The following XPO4 variants were observed in gnomAD, a reference collection of about 807,000 sequenced individuals.
XPO4 encodes the protein exportin 4, also known as exportin-4.
A neutral mutation model predicts 143.0 loss-of-function variants in XPO4; 39 were observed. The ratio of observed to expected loss-of-function variants is 0.27; its 90% CI spans 0.21 to 0.36. The LOEUF is 0.36. Ranked by LOEUF, XPO4 falls within the 10% of genes least tolerant of loss-of-function variation. XPO4 has a pLI of 1.00. For synonymous variants in XPO4, 439 were observed against 474.0 expected (o/e 0.93, Z 0.96); for missense variants, 907 against 1,348.0 (o/e 0.67, Z 5.12).
In XPO4 at chr13:20,834,402, G is replaced by A. The variant is rs142439215; in HGVS notation, c.728-7223C>T. On this transcript the variant is annotated intron_variant, in intron 6 of 22. Transcript: ENST00000255305. The stretch of plus-strand genomic sequence containing the variant: ...TACTCACAAGCCTGGACAACACAGC[G>A]AAACTCAACCCCTACAAAAATCAGC... 8.1e-4 allele frequency among the ~76,000 whole-genome samples: 123 copies of A among 151,906 alleles called. 1 individual carries two copies. Among genetic ancestry groups the A allele is most frequent in the African/African-American group, 2.9e-3 (120 of 41,418 alleles).
At chr13:20,824,368 T>A (rs1357162640) in intron 7 of XPO4, among the ~76,000 whole-genome samples, 21 of 152,222 alleles carry the variant, frequency 1.4e-4, no homozygotes, top group Admixed American at 1.4e-3. Flanking sequence ...ACAGATAGAA[T>A]GTAATCTGGG....
chr13:20,848,762 T>C (rs1595127732), intron 4 of XPO4: 1 of 985,236 alleles, frequency 1.0e-6, no homozygotes, highest in Admixed American at 6.2e-5. Context: ...ATAACAGAAG[T>C]TGGAAAATAA....
At chr13:20,818,156 T>C (rs1001651285) in intron 9 of XPO4, among the ~76,000 whole-genome samples, 1 of 152,206 alleles carries the variant, frequency 6.6e-6, no homozygotes, top group Non-Finnish European at 1.5e-5. Context: ...CAGCAATAGA[T>C]AATAATTTGA....
intron 1 of XPO4, among the ~76,000 whole-genome samples, chr13:20,900,695 C>G (rs1184855021): frequency 2.6e-5 from 4 of 151,726 alleles, no homozygotes; most frequent in African/African-American, 9.7e-5. Flanking sequence ...TCACTCCAAC[C>G]TCTGCCTCCT....
Position 20,783,761 on chromosome 13 carries a change from T to G in XPO4, c.3417A>C (p.Glu1139Asp), listed in dbSNP as rs1302471853. The G allele has an allele frequency of 1.9e-6, 3 of 1,614,114 alleles. No homozygotes were observed. Reference protein sequence around the residue: ...QKMAFLKSLEEFMANVGGLLC... With the variant: ...QKMAFLKSLEDFMANVGGLLC... ...GGAGACCACCAACATTTGCCATAAA[T>G]TCTTCTAAACTCTTTAAGAAGGCCA... Residue 1139 changes from glutamate to aspartate, a missense_variant, in exon 23 of 23, where the codon GAA becomes GAC. Glu to Asp is a conservative substitution (Grantham distance 45). Transcript: ENST00000255305.
Position 20,800,972 on chromosome 13 carries a change from G to A in XPO4, c.1836C>T (p.Leu612=), listed in dbSNP as rs572032502. ...DSVIRLLSAI[L]RVSEVESRAI... ...CTCGAGATTCAACTTCTGAAACTCT[G>A]AGAATGGCAGACAACAGCCTGTAGG... Residue 612 remains leucine (L), a synonymous_variant, in exon 14 of 23, where the codon CTC becomes CTT. Transcript: ENST00000255305. The A allele has an allele frequency of 6.2e-7, 1 of 1,613,800 alleles. No individual in the cohort carries two copies. The highest frequency in any genetic ancestry group is 1.3e-5 in the African/African-American group (1 of 75,040).
chr13:20,882,109 C>CAAAAAAAAAAAAAAAAAAAAAAA (rs35404161), intron 1 of XPO4, among the ~76,000 whole-genome samples: 14 of 93,344 alleles, frequency 1.5e-4, no homozygotes, highest in African/African-American at 5.2e-4. Context: ...GACTCGGTCT[C>CAAAAAAAAAAAAAAAAAAAAAAA]AAAAAAAAAA....
Position 20,803,539 on chromosome 13 carries a change from T to C in XPO4, c.1818-2549A>G, listed in dbSNP as rs1452172781. On this transcript the variant is annotated intron_variant, in intron 13 of 22. Coordinates refer to ENST00000255305, the MANE Select transcript of XPO4 (RefSeq NM_022459.5). This position sits in a 1 kb window ranked among gnomAD's most constrained non-coding sequence, Gnocchi z 4.1. ...CTCCATCTTCACTCCCAAGACTACGTAGGAAAATGCTTCCTAACTTGCCTT... is the reference window on the plus strand; with the variant it reads ...CTCCATCTTCACTCCCAAGACTACGCAGGAAAATGCTTCCTAACTTGCCTT... Among the ~76,000 whole-genome samples the C allele has an allele frequency of 6.6e-6, 1 of 152,198 alleles. No homozygotes were observed. Among genetic ancestry groups the C allele is most frequent in the African/African-American group, 2.4e-5 (1 of 41,450 alleles).
At chr13:20,814,262 C>T (rs893401540) in intron 9 of XPO4, among the ~76,000 whole-genome samples, 5 of 149,584 alleles carry the variant, frequency 3.3e-5, no homozygotes, top group Admixed American at 2.7e-4. Flanking sequence ...ACATATCTAA[C>T]ACATGTTATC....
intron 3 of XPO4, among the ~76,000 whole-genome samples, chr13:20,862,222 T>C (rs942718689): frequency 1.3e-5 from 2 of 152,156 alleles, no homozygotes; most frequent in Non-Finnish European, 2.9e-5. Context: ...CTACTAAGCA[T>C]CAAAAGAACA....
chr13:20,786,607 T>C (rs2059209833), intron 22 of XPO4, among the ~76,000 whole-genome samples: 1 of 152,180 alleles, frequency 6.6e-6, no homozygotes, highest in South Asian at 2.1e-4. Context: ...CTCTTCCTTG[T>C]CTGCCATCCT....
intron 13 of XPO4, among the ~76,000 whole-genome samples, chr13:20,804,833 C>T (rs573273126): frequency 2.6e-5 from 4 of 152,184 alleles, no homozygotes; most frequent in African/African-American, 9.7e-5. Flanking sequence ...GAGCTTTAAC[C>T]TCTCACAACC....
chr13:20,893,129 G>A (rs955082235), intron 1 of XPO4, among the ~76,000 whole-genome samples: 3 of 152,150 alleles, frequency 2.0e-5, no homozygotes, highest in South Asian at 4.1e-4. Flanking sequence ...GAGAAAAAGC[G>A]ACTGGAAAAG....
chr13:20,897,879 C>G (rs893661168), intron 1 of XPO4, among the ~76,000 whole-genome samples: 3 of 152,156 alleles, frequency 2.0e-5, no homozygotes, highest in African/African-American at 7.2e-5. Context: ...TCCCAAGTAG[C>G]TGGGATTACG....
intron 1 of XPO4, among the ~76,000 whole-genome samples, chr13:20,900,387 A>G (rs1221510520): frequency 6.6e-6 from 1 of 152,112 alleles, no homozygotes; most frequent in African/African-American, 2.4e-5. Context: ...TGGTCAAAAA[A>G]AAAAGAAGAT....
intron 1 of XPO4, among the ~76,000 whole-genome samples, chr13:20,885,881 A>G (rs535132196): frequency 6.6e-6 from 1 of 152,364 alleles, no homozygotes; most frequent in Non-Finnish European, 1.5e-5. Flanking sequence ...TATCAGAGAA[A>G]AACAGAATTT....
chr13:20,785,932 A>C (rs965671640), intron 22 of XPO4, among the ~76,000 whole-genome samples: 2 of 150,808 alleles, frequency 1.3e-5, no homozygotes, highest in African/African-American at 4.9e-5. Context: ...AAAGGAAAGA[A>C]AAGAAAAATG....
At chr13:20,837,291 T>C (rs2059927667) in intron 6 of XPO4, among the ~76,000 whole-genome samples, 1 of 152,084 alleles carries the variant, frequency 6.6e-6, no homozygotes, top group African/African-American at 2.4e-5. Context: ...ATTTCCCGAG[T>C]TGTGACAATC....
At chr13:20,902,577 C>T in intron 1 of XPO4, 93 bp downstream of exon 1, 2 of 1,398,076 alleles carry the variant, frequency 1.4e-6, no homozygotes, top group Non-Finnish European at 1.9e-6. Context: ...CAGGCCCTTG[C>T]CAGTCGCCAG....
Sources: gnomAD v4.1 joint callset for allele counts (sites outside exome capture counted in the v4.1 genomes callset) on GRCh38, gnomAD v4.1.1 for gene constraint, Gnocchi (gnomAD v3.1) non-coding constraint, MANE v1.5 for transcripts, NCBI Gene and HGNC (gene_info 2026-07-23, HGNC 2026-07-21) for gene names.